Variants in RUNX1T1 observed in about 807,000 individuals in gnomAD.
RUNX1T1 encodes the protein protein CBFA2T1.
RUNX1T1 carries 4 observed loss-of-function variants against 62.8 expected under a neutral mutation model. The ratio of observed to expected loss-of-function variants is 0.06; its 90% confidence interval spans 0.03 to 0.15. The LOEUF is 0.15. RUNX1T1 is among the 10% of genes least tolerant of loss of function. The pLI, the probability that RUNX1T1 is intolerant of heterozygous loss-of-function variation, is 1.00. For missense variants in RUNX1T1, 508 were observed against 754.3 expected, an observed-to-expected ratio of 0.67 and a Z score of 3.82; for synonymous variants, 291 against 286.0, an observed-to-expected ratio of 1.02 and a Z score of -0.18.
At chr8:92,097,439 A>G (rs1837834734) in intron 1 of RUNX1T1, among the ~76,000 whole-genome samples, 2 of 152,174 alleles carry the variant, frequency 1.3e-5, no homozygotes, top group Non-Finnish European at 2.9e-5. Flanking sequence ...ATGCATTCAG[A>G]GTAACCGAAA....
chr8:92,009,327 A>G (rs139945623), intron 4 of RUNX1T1, among the ~76,000 whole-genome samples: 1 of 152,330 alleles, frequency 6.6e-6, no homozygotes, highest in African/African-American at 2.4e-5. Context: ...ACTTTAATGC[A>G]TATTGTTACA....
chr8:92,086,930 A>C (rs1836220976), intron 1 of RUNX1T1, among the ~76,000 whole-genome samples: 1 of 152,186 alleles, frequency 6.6e-6, no homozygotes, highest in Non-Finnish European at 1.5e-5. Flanking sequence ...CCTCCAGTCC[A>C]TCTGGCCCCT....
intron 9 of RUNX1T1, among the ~76,000 whole-genome samples, chr8:91,974,655 T>C (rs76647172): frequency 0.021 from 3,165 of 152,246 alleles, 51 homozygotes; most frequent in Non-Finnish European, 0.033. Context: ...TTTAACAGCT[T>C]GGGAATACTA....
At chr8:92,031,509 T>C (rs1361539808) in intron 1 of RUNX1T1, among the ~76,000 whole-genome samples, 1 of 152,218 alleles carries the variant, frequency 6.6e-6, no homozygotes, top group Non-Finnish European at 1.5e-5. Context: ...TCTTGCTCTA[T>C]TGCTTGGGCG....
intron 2 of RUNX1T1, among the ~76,000 whole-genome samples, chr8:92,073,664 G>GA (rs956811678): frequency 2.0e-5 from 3 of 150,582 alleles, no homozygotes; most frequent in African/African-American, 4.9e-5. Flanking sequence ...TTACAAAGAG[G>GA]AAAAAAAAAT....
chr8:92,069,834 T>C (rs1022248418), intron 2 of RUNX1T1, among the ~76,000 whole-genome samples: 7 of 152,230 alleles, frequency 4.6e-5, no homozygotes, highest in African/African-American at 1.7e-4. Context: ...CTTTCATTTA[T>C]TAAAATTCTC....
Position 92,062,594 on chromosome 8 carries a change from AAAGC to A in RUNX1T1, c.-46_-43del, listed in dbSNP as rs763947829. On this transcript the variant is annotated 5_prime_UTR_variant, in exon 1 of 11. Transcript: ENST00000396218. ...CCACACAGAAAGTGGCTGTCTCCTA[AAAGC>A]AAGCGCGTTCCGGGCTCATGCCTCC... The A allele has an allele frequency of 4.3e-6, 7 of 1,614,066 alleles. No homozygotes were observed. In the South Asian group the frequency reaches 7.7e-5, roughly 18 times the overall value.
At chr8:92,076,010 C>G in exon 2 of RUNX1T1, 2 of 1,612,026 alleles carry the variant, frequency 1.2e-6, no homozygotes, top group South Asian at 1.1e-5. Flanking sequence ...TCACCTATTA[C>G]TAAACTCAGT....
chr8:92,074,969 AAAC>A (rs780568312), intron 2 of RUNX1T1, among the ~76,000 whole-genome samples: 6 of 152,218 alleles, frequency 3.9e-5, no homozygotes, highest in South Asian at 2.1e-4. Flanking sequence ...CAAGAAAAAA[AAAC>A]AACAACTTTA....
At chr8:92,012,067 T>G (rs1822052471) in intron 3 of RUNX1T1, among the ~76,000 whole-genome samples, 2 of 152,222 alleles carry the variant, frequency 1.3e-5, no homozygotes, top group African/African-American at 4.8e-5. Flanking sequence ...CACTTTTTTG[T>G]GCATGTTTCC....
intron 1 of RUNX1T1, among the ~76,000 whole-genome samples, chr8:92,086,596 G>A (rs1028182208): frequency 5.3e-5 from 8 of 152,168 alleles, no homozygotes; most frequent in African/African-American, 1.9e-4. Context: ...CCCTGGGACC[G>A]AGGTCTGCAA....
intron 10 of RUNX1T1, 59 bp from the exon 12 acceptor site, chr8:91,960,576 T>G (rs533681259): frequency 1.9e-6 from 3 of 1,548,842 alleles, no homozygotes; most frequent in Non-Finnish European, 2.7e-6. Context: ...AAGACAATAG[T>G]CTGACAAATA....
At chr8:91,990,665 A>G (rs1817488168) in intron 6 of RUNX1T1, among the ~76,000 whole-genome samples, 1 of 148,632 alleles carries the variant, frequency 6.7e-6, no homozygotes, top group Non-Finnish European at 1.5e-5. Context: ...TTTTTCTGAG[A>G]CAGGGTCTTG....
At chr8:91,988,372 G>A (rs921151713) in intron 6 of RUNX1T1, among the ~76,000 whole-genome samples, 1 of 152,070 alleles carries the variant, frequency 6.6e-6, no homozygotes, top group African/African-American at 2.4e-5. Context: ...AAAAGTAAAA[G>A]TGCAAATATG....
chr8:92,083,174 C>T (rs550249860), intron 1 of RUNX1T1, among the ~76,000 whole-genome samples: 1 of 152,240 alleles, frequency 6.6e-6, no homozygotes, highest in African/African-American at 2.4e-5. Context: ...ATCCAAGTGG[C>T]TTGACCACTT....
chr8:91,991,617 T>G, intron 6 of RUNX1T1, 22 bp downstream of exon 7: 1 of 1,602,860 alleles, frequency 6.2e-7, no homozygotes, highest in Non-Finnish European at 8.5e-7. Flanking sequence ...CCGTAAGAAG[T>G]GAACAGGTCC....
chr8:92,006,611 T>C (rs1348265159), intron 4 of RUNX1T1: 3 of 152,080 alleles, frequency 2.0e-5, no homozygotes, highest in African/African-American at 4.8e-5. Flanking sequence ...TATTTCTTTA[T>C]GTAGAGCCAA....
chr8:91,993,979 C>A (rs1216487698), intron 5 of RUNX1T1, among the ~76,000 whole-genome samples: 1 of 151,914 alleles, frequency 6.6e-6, no homozygotes, highest in Non-Finnish European at 1.5e-5. Context: ...GCAACAAACT[C>A]AAAACTCTTT....
exon 3 of RUNX1T1, chr8:92,014,696 G>A (rs373545761): frequency 2.5e-6 from 4 of 1,614,130 alleles, no homozygotes; most frequent in African/African-American, 1.3e-5. Context: ...TGGCACCACA[G>A]GCTGGGGGCA....
Sources: allele counts gnomAD v4.1 joint callset (sites outside exome capture counted in the v4.1 genomes callset), GRCh38; gene constraint gnomAD v4.1.1; transcripts MANE v1.5; gene names NCBI Gene and HGNC (gene_info 2026-07-23, HGNC 2026-07-21).